The following TBC1D15 variants were observed in gnomAD, a reference collection of about 807,000 sequenced individuals.
TBC1D15 encodes the protein GAP for RAB7.
Under a neutral mutation model 95.4 loss-of-function variants are expected in TBC1D15, and 39 were observed. The ratio of observed to expected loss-of-function variants is 0.41; its 90% CI spans 0.32 to 0.53. The LOEUF (loss-of-function observed/expected upper bound fraction) is 0.53. Among genes scored for constraint, TBC1D15 ranks in the 20% least tolerant of loss-of-function variants. TBC1D15 has a pLI of 0.29. For missense variants in TBC1D15, 733 were observed against 794.3 expected, an observed-to-expected ratio of 0.92 and a Z score of 0.93; for synonymous variants, 258 against 261.3, an observed-to-expected ratio of 0.99 and a Z score of 0.12.
intron 10 of TBC1D15, among the ~76,000 whole-genome samples, chr12:71,901,181 C>T (rs186455369): frequency 7.2e-4 from 110 of 152,172 alleles, no homozygotes; most frequent in East Asian, 3.1e-3. Context: ...CCATCACACC[C>T]GGCTAATTTT....
chr12:71,854,892 A>AGG (rs756870587), intron 1 of TBC1D15: 16 of 455,418 alleles, frequency 3.5e-5, no homozygotes, highest in Non-Finnish European at 5.7e-5. Context: ...CATGTTTTCC[A>AGG]TCAGACAAAA....
At chr12:71,856,618 G>A (rs1441428198) in intron 1 of TBC1D15, among the ~76,000 whole-genome samples, 7 of 150,850 alleles carry the variant, frequency 4.6e-5, no homozygotes, top group African/African-American at 1.7e-4. Context: ...GTTCCTGTGA[G>A]CTCTTCATTT....
intron 1 of TBC1D15, among the ~76,000 whole-genome samples, chr12:71,863,639 C>T (rs933902389): frequency 3.1e-4 from 47 of 152,042 alleles, no homozygotes; most frequent in Admixed American, 3.1e-3. Context: ...CTTTTCTTGT[C>T]TCTCATCACT....
At chr12:71,912,690 T>C (rs1163362716) in intron 11 of TBC1D15, among the ~76,000 whole-genome samples, 3 of 152,134 alleles carry the variant, frequency 2.0e-5, no homozygotes, top group Admixed American at 1.3e-4. Flanking sequence ...ATATTTACTT[T>C]TACATGGCTT....
intron 3 of TBC1D15, among the ~76,000 whole-genome samples, chr12:71,876,431 A>G (rs1265166351): frequency 6.6e-6 from 1 of 152,188 alleles, no homozygotes; most frequent in Non-Finnish European, 1.5e-5. Context: ...GAATATTTAA[A>G]CACATAGATT....
chr12:71,919,966 C>G (rs1451762938), intron 14 of TBC1D15, among the ~76,000 whole-genome samples: 1 of 152,116 alleles, frequency 6.6e-6, no homozygotes, highest in Non-Finnish European at 1.5e-5. Context: ...AAACTTTCAA[C>G]AATTGGGTTT....
At chr12:71,893,153 T>A (rs1319966551) in intron 5 of TBC1D15, 69 bp from the exon 6 acceptor site, 2 of 783,430 alleles carry the variant, frequency 2.6e-6, no homozygotes, top group African/African-American at 3.6e-5. Context: ...ACATTTGTGT[T>A]AGTAATTGTT....
chr12:71,843,908 C>G (rs558882363), intron 1 of TBC1D15, among the ~76,000 whole-genome samples: 27 of 152,300 alleles, frequency 1.8e-4, no homozygotes, highest in African/African-American at 6.0e-4. Flanking sequence ...ATGTATTGCC[C>G]TTACAACCAC....
chr12:71,861,020 A>G (rs1459340448), intron 1 of TBC1D15, among the ~76,000 whole-genome samples: 1 of 152,114 alleles, frequency 6.6e-6, no homozygotes. Flanking sequence ...ATTGATTTGC[A>G]TATGTTGAAC....
At chr12:71,880,877 T>C (rs1002148283) in intron 4 of TBC1D15, among the ~76,000 whole-genome samples, 1 of 152,232 alleles carries the variant, frequency 6.6e-6, no homozygotes, top group African/African-American at 2.4e-5. Flanking sequence ...TTGGCTGTCC[T>C]TCATGCACAT....
intron 3 of TBC1D15, among the ~76,000 whole-genome samples, chr12:71,879,789 A>G (rs6582061): frequency 0.42 from 63,819 of 152,044 alleles, 16,571 homozygotes; most frequent in African/African-American, 0.72. Flanking sequence ...TAAATAAATT[A>G]ATAGGAGTTG....
intron 5 of TBC1D15, among the ~76,000 whole-genome samples, chr12:71,886,651 G>A (rs955583713): frequency 6.6e-6 from 1 of 152,192 alleles, no homozygotes; most frequent in African/African-American, 2.4e-5. Context: ...ATCACCTCTA[G>A]CTGGCAACAG....
chr12:71,877,413 T>C (rs1255213104), intron 3 of TBC1D15, among the ~76,000 whole-genome samples: 1 of 151,690 alleles, frequency 6.6e-6, no homozygotes, highest in Non-Finnish European at 1.5e-5. Flanking sequence ...GATGATTTCT[T>C]CCCCATTTTC....
intron 2 of TBC1D15, 130 bp downstream of exon 2, chr12:71,872,298 A>G (rs1892864083): frequency 2.0e-6 from 1 of 496,814 alleles, no homozygotes; most frequent in Admixed American, 4.0e-5. Context: ...TGTAAATTTA[A>G]CACCGAAATG....
intron 10 of TBC1D15, among the ~76,000 whole-genome samples, chr12:71,901,679 C>A (rs1472187944): frequency 1.3e-5 from 2 of 152,134 alleles, no homozygotes; most frequent in East Asian, 3.9e-4. Flanking sequence ...AAGCTGGAAG[C>A]ATTCCCCTTG....
At chr12:71,895,677 A>G (rs1477099799) in intron 7 of TBC1D15, among the ~76,000 whole-genome samples, 2 of 152,114 alleles carry the variant, frequency 1.3e-5, no homozygotes, top group African/African-American at 2.4e-5. Context: ...AACCCAAAAT[A>G]GTAAAGAGCT....
intron 11 of TBC1D15, among the ~76,000 whole-genome samples, chr12:71,912,088 A>T (rs1902512402): frequency 6.6e-6 from 1 of 152,166 alleles, no homozygotes; most frequent in Non-Finnish European, 1.5e-5. Flanking sequence ...TTGAATTCAG[A>T]TTAGATTTCC....
intron 11 of TBC1D15, chr12:71,907,738 A>C (rs926562245): frequency 6.6e-6 from 1 of 152,248 alleles, no homozygotes; most frequent in Admixed American, 6.5e-5. Flanking sequence ...AAAGTTTGCA[A>C]ACCGTTGTTT....
intron 16 of TBC1D15, among the ~76,000 whole-genome samples, chr12:71,922,381 G>A (rs1020836779): frequency 6.6e-6 from 1 of 150,470 alleles, no homozygotes; most frequent in Non-Finnish European, 1.5e-5. Context: ...CATCACGCCC[G>A]GCCATGACTG....
Sources: allele counts gnomAD v4.1 joint callset (sites outside exome capture counted in the v4.1 genomes callset), GRCh38; gene constraint gnomAD v4.1.1; transcripts MANE v1.5; gene names NCBI Gene and HGNC (gene_info 2026-07-23, HGNC 2026-07-21).